PTPRM: variants seen among roughly 807,000 people sequenced by gnomAD.
PTPRM encodes the protein receptor-type tyrosine-protein phosphatase mu.
In PTPRM, 47 loss-of-function variants were observed where a neutral mutation model predicts 186.7. The ratio of observed to expected loss-of-function variants is 0.25; its 90% CI spans 0.20 to 0.32. PTPRM has a LOEUF of 0.32. Among genes scored for constraint, PTPRM ranks in the 10% least tolerant of loss-of-function variants. The pLI is 1.00. For missense variants in PTPRM, 1,494 were observed against 1,865.0 expected (o/e 0.80, Z 3.66); for synonymous variants, 668 against 674.9 (o/e 0.99, Z 0.16).
At chr18:8,004,079 G>T (rs1057470049) in intron 7 of PTPRM, among the ~76,000 whole-genome samples, 1 of 152,154 alleles carries the variant, frequency 6.6e-6, no homozygotes, top group Non-Finnish European at 1.5e-5. Flanking sequence ...GACCTATTCA[G>T]GAATTTCATA....
intron 3 of PTPRM, among the ~76,000 whole-genome samples, chr18:7,891,119 A>G (rs1460711256): frequency 4.6e-5 from 7 of 151,666 alleles, no homozygotes; most frequent in Admixed American, 2.0e-4. Flanking sequence ...TCTCCAAAAA[A>G]AAAAAAAAAC....
intron 2 of PTPRM, among the ~76,000 whole-genome samples, chr18:7,859,517 T>C (rs77460113): frequency 0.014 from 2,114 of 152,374 alleles, 49 homozygotes; most frequent in African/African-American, 0.048. Flanking sequence ...GGGGCTTCCA[T>C]GAGCCTTCTG....
intron 7 of PTPRM, among the ~76,000 whole-genome samples, chr18:8,043,719 T>A (rs906128454): frequency 1.3e-5 from 2 of 152,012 alleles, no homozygotes; most frequent in African/African-American, 2.4e-5. Flanking sequence ...CTAGTTAAAG[T>A]GATAATTATT....
At chr18:7,918,453 T>C (rs1213028881) in intron 4 of PTPRM, among the ~76,000 whole-genome samples, 1 of 152,210 alleles carries the variant, frequency 6.6e-6, no homozygotes, top group Admixed American at 6.5e-5. Context: ...ATGTGATAGC[T>C]CATTTTTGTT....
intron 13 of PTPRM, among the ~76,000 whole-genome samples, chr18:8,129,403 G>A (rs945711074): frequency 1.3e-5 from 2 of 152,292 alleles, no homozygotes; most frequent in African/African-American, 2.4e-5. Flanking sequence ...TTCCCTGGCT[G>A]TACTGTTGAT....
At chr18:7,846,209 G>A (rs774643198) in intron 2 of PTPRM, among the ~76,000 whole-genome samples, 2 of 152,128 alleles carry the variant, frequency 1.3e-5, no homozygotes, top group African/African-American at 2.4e-5. Flanking sequence ...CCACTCACAC[G>A]CCTGAAATAG....
chr18:7,836,759 A>G (rs1413398452), intron 2 of PTPRM, among the ~76,000 whole-genome samples: 3 of 152,182 alleles, frequency 2.0e-5, no homozygotes, highest in Non-Finnish European at 4.4e-5. Flanking sequence ...TTTTCCAGAC[A>G]TATTCTTCTA....
At chr18:8,404,152 C>A (rs1222314039) in intron 32 of PTPRM, 1 of 152,166 alleles carries the variant, frequency 6.6e-6, no homozygotes, top group African/African-American at 2.4e-5. Context: ...AGTGGCTGCA[C>A]CGTTTGACAT....
intron 7 of PTPRM, among the ~76,000 whole-genome samples, chr18:8,026,076 A>G (rs966355402): frequency 2.6e-5 from 4 of 152,264 alleles, no homozygotes; most frequent in African/African-American, 4.8e-5. Flanking sequence ...CACCTACTCA[A>G]AACTCCTTAG....
At chr18:7,573,083 G>T (rs528717136) in intron 1 of PTPRM, among the ~76,000 whole-genome samples, 3 of 152,302 alleles carry the variant, frequency 2.0e-5, no homozygotes, top group African/African-American at 7.2e-5. Flanking sequence ...TTGGTGAGGA[G>T]GCTGGCAAGG....
intron 1 of PTPRM, among the ~76,000 whole-genome samples, chr18:7,669,875 A>G (rs1350085496): frequency 6.6e-6 from 1 of 152,112 alleles, no homozygotes; most frequent in African/African-American, 2.4e-5. Flanking sequence ...AGCACCTGCC[A>G]CCAAGCCCGG....
chr18:8,289,605 CACATATATATAT>C (rs2095017757), intron 19 of PTPRM, among the ~76,000 whole-genome samples: 1 of 104,144 alleles, frequency 9.6e-6, no homozygotes, highest in Non-Finnish European at 1.8e-5. Context: ...TATATATACA[CACATATATATAT>C]ACACATATAT....
chr18:7,726,901 A>G (rs1347728768), intron 1 of PTPRM, among the ~76,000 whole-genome samples: 1 of 152,234 alleles, frequency 6.6e-6, no homozygotes, highest in East Asian at 1.9e-4. Flanking sequence ...GATCAAAGTC[A>G]GAGAAAGTGC....
rs564940752 is a variant in PTPRM at position 7,652,628 on chromosome 18, T to G, written c.73+84737T>G. On this transcript the variant is annotated intron_variant, in intron 1 of 32. Coordinates refer to ENST00000580170, the MANE Select transcript of PTPRM (RefSeq NM_001105244.2). ...GGGACATGGATGAAGTTGGAAATCA[T>G]CATTCTCAGTAAACTATCGCAAGAA... Among the ~76,000 whole-genome samples, 436 of 151,734 alleles carry G rather than the reference T, an allele frequency of 2.9e-3. 4 individuals are homozygous for G. Among genetic ancestry groups the G allele is most frequent in the African/African-American group, 0.01 (424 of 41,324 alleles).
chr18:8,210,115 A>C (rs1055384175), intron 14 of PTPRM, among the ~76,000 whole-genome samples: 1 of 151,592 alleles, frequency 6.6e-6, no homozygotes, highest in Non-Finnish European at 1.5e-5. Context: ...GTTCAAGACC[A>C]GCCTGGCCAA....
chr18:7,789,725 A>G (rs1390435757), intron 2 of PTPRM, among the ~76,000 whole-genome samples: 1 of 152,120 alleles, frequency 6.6e-6, no homozygotes, highest in African/African-American at 2.4e-5. Flanking sequence ...TCCTTTCTCA[A>G]GTATAGTTGT....
intron 2 of PTPRM, among the ~76,000 whole-genome samples, chr18:7,870,546 T>C (rs955572171): frequency 6.6e-6 from 1 of 152,208 alleles, no homozygotes; most frequent in Non-Finnish European, 1.5e-5. Flanking sequence ...TTTTGGTATA[T>C]GTACTCTCTA....
At chr18:7,666,715 T>C (rs759368628) in intron 1 of PTPRM, among the ~76,000 whole-genome samples, 4 of 152,048 alleles carry the variant, frequency 2.6e-5, no homozygotes, top group Admixed American at 2.0e-4. Flanking sequence ...ATTTTTGTTT[T>C]TATTTATCCC....
At position 7,745,467 on chromosome 18, in the gene PTPRM, G is replaced by A. The variant is rs373036135; in HGVS notation, c.74-28682G>A. 1.1e-4 allele frequency among the ~76,000 whole-genome samples: 17 copies of A among 152,326 alleles called. No homozygotes were observed. In the East Asian group the frequency reaches 2.5e-3, roughly 22 times the overall value. Reference sequence around the variant, plus strand: ...CTCTCAGAAGACTCACAGGCTCTGGGAGAGGCAACTAAATTGAAGTTTAGG... The same window carrying A: ...CTCTCAGAAGACTCACAGGCTCTGGAAGAGGCAACTAAATTGAAGTTTAGG... On this transcript the variant is annotated intron_variant, in intron 1 of 32. Transcript: ENST00000580170.
Sources: gnomAD v4.1 joint callset for allele counts (sites outside exome capture counted in the v4.1 genomes callset) on GRCh38, gnomAD v4.1.1 for gene constraint, MANE v1.5 for transcripts, NCBI Gene and HGNC (gene_info 2026-07-23, HGNC 2026-07-21) for gene names.